The following GLT8D2 variants were observed in gnomAD, a reference collection of about 807,000 sequenced individuals.
The protein encoded by GLT8D2 is glycosyltransferase 8 domain-containing protein 2.
A neutral mutation model predicts 44.5 loss-of-function variants in GLT8D2; 45 were observed. The ratio of observed to expected loss-of-function variants is 1.01; its 90% CI spans 0.80 to 1.30. The LOEUF is 1.30. Ranked by LOEUF, GLT8D2 falls within the 50% of genes most tolerant of loss-of-function variation. The probability of loss-of-function intolerance (pLI) is 0.00; values close to 1 mark genes in which losing one functional copy is unlikely to be tolerated. For synonymous variants in GLT8D2, 156 were observed against 157.2 expected (o/e 0.99, Z 0.06); for missense variants, 400 against 430.4 (o/e 0.93, Z 0.62).
rs111374835 is a variant in GLT8D2, at chr12:103,996,674, G to C, written c.600+61C>G. The C allele has an allele frequency of 9.3e-5, 109 of 1,172,262 alleles. 1 individual carries two copies. The Middle Eastern group carries it at 1.3e-3, about 14-fold the overall frequency. The allele number at this position is 1,172,262 out of a possible 1,614,324, so 72.6% of individuals were successfully genotyped here. Reference sequence around the variant, plus strand: ...GTTACACTCATTTTGACTTGCAGAGGGGGGAGAAGGGGCCAGAGTTGTAGA... The same window carrying C: ...GTTACACTCATTTTGACTTGCAGAGCGGGGAGAAGGGGCCAGAGTTGTAGA... On this transcript the variant is annotated intron_variant, in intron 8 of 10. Transcript: ENST00000360814.
At chr12:103,994,976 A>T (rs1227193116) in intron 8 of GLT8D2, among the ~76,000 whole-genome samples, 1 of 152,076 alleles carries the variant, frequency 6.6e-6, no homozygotes, top group Non-Finnish European at 1.5e-5. Context: ...TGGGCAAAAA[A>T]CCTGGGGTCA....
chr12:104,007,284 T>A (rs1452055651), intron 4 of GLT8D2, among the ~76,000 whole-genome samples: 1 of 84,378 alleles, frequency 1.2e-5, no homozygotes, highest in South Asian at 5.1e-4. Context: ...TCTCTCCACC[T>A]GCTCTCTCCC....
chr12:104,055,203 C>A (rs1354926228), intron 1 of GLT8D2, among the ~76,000 whole-genome samples: 2 of 152,204 alleles, frequency 1.3e-5, no homozygotes, highest in Non-Finnish European at 2.9e-5. Flanking sequence ...GGGCTGATTA[C>A]CCCAGCCTCA....
intron 1 of GLT8D2, among the ~76,000 whole-genome samples, chr12:104,044,717 C>T (rs1241466233): frequency 1.1e-4 from 17 of 152,248 alleles, no homozygotes; most frequent in African/African-American, 3.6e-4. Context: ...ACTGGCCTAA[C>T]GGCCATAGTA....
At chr12:104,018,685 C>T (rs1276016958) in intron 3 of GLT8D2, among the ~76,000 whole-genome samples, 3 of 152,136 alleles carry the variant, frequency 2.0e-5, no homozygotes, top group Non-Finnish European at 4.4e-5. Flanking sequence ...ACTAGCCTGG[C>T]TAACATGGTG....
upstream of GLT8D2, among the ~76,000 whole-genome samples, chr12:104,052,722 T>C (rs1881827157): frequency 6.6e-6 from 1 of 152,040 alleles, no homozygotes; most frequent in African/African-American, 2.4e-5. Context: ...ATGCCCCTCC[T>C]CTTCTCTCTT....
chr12:104,041,609 G>C (rs1378033080), intron 1 of GLT8D2, among the ~76,000 whole-genome samples: 1 of 152,114 alleles, frequency 6.6e-6, no homozygotes, highest in Admixed American at 6.6e-5. Flanking sequence ...AGCTAAGATG[G>C]GATAAGGGCC....
chr12:104,048,217 G>C (rs959080209), intron 1 of GLT8D2, among the ~76,000 whole-genome samples: 4 of 152,212 alleles, frequency 2.6e-5, no homozygotes, highest in Non-Finnish European at 5.9e-5. Context: ...ATGAAAACAA[G>C]TGTGTCCAGA....
intron 3 of GLT8D2, among the ~76,000 whole-genome samples, chr12:104,017,240 G>T (rs1226166809): frequency 4.0e-5 from 6 of 151,794 alleles, no homozygotes; most frequent in Admixed American, 3.9e-4. Flanking sequence ...TTAATGATAG[G>T]AAATCATTCT....
Position 104,001,348 on chromosome 12 carries a change from C to T in GLT8D2, c.284+1787G>A, listed in dbSNP as rs148375413. On this transcript the variant is annotated intron_variant, in intron 5 of 10. Transcript: ENST00000360814. Reference sequence around the variant, plus strand: ...ATGCTGAAACTAGCATTGTTGTACACGTATTTTGGTAATATGTACTAGAAT... The same window carrying T: ...ATGCTGAAACTAGCATTGTTGTACATGTATTTTGGTAATATGTACTAGAAT... Among the ~76,000 whole-genome samples the T allele has an allele frequency of 4.5e-3, 686 of 152,270 alleles. 8 individuals carry two copies. The highest frequency in any genetic ancestry group is 6.8e-3 in the Middle Eastern group (2 of 294).
At chr12:104,030,662 A>G in intron 1 of GLT8D2, 2 of 1,472,604 alleles carry the variant, frequency 1.4e-6, no homozygotes, top group South Asian at 2.4e-5. Flanking sequence ...AATATCCAAA[A>G]TATATAAGAA....
intron 4 of GLT8D2, among the ~76,000 whole-genome samples, chr12:104,013,823 C>T (rs929402583): frequency 1.3e-5 from 2 of 152,170 alleles, no homozygotes; most frequent in Non-Finnish European, 2.9e-5. Context: ...CTCACTGCTG[C>T]TTAGACCTCC....
Position 103,999,455 on chromosome 12 carries a change from G to T in GLT8D2, c.344C>A (p.Pro115Gln), listed in dbSNP as rs375709472. The part of the protein sequence containing the change: ...EINFKIVEFN[P>Q]MVLKGKIRPD... ...TCTGATCTTCCCTTTGAGGACCATC[G>T]GGTTGAATTCCACGATTTTAAAGTT... Residue 115 changes from proline (P) to glutamine (Q), a missense_variant, in exon 6 of 11, where the codon CCG becomes CAG. Physicochemically the swap from Pro to Gln is moderately conservative, Grantham distance 76. Coordinates refer to ENST00000360814, the MANE Select transcript of GLT8D2 (RefSeq NM_001384711.1). The T allele has an allele frequency of 1.2e-6, 2 of 1,613,416 alleles. No homozygotes were observed. Among genetic ancestry groups the T allele is most frequent in the Non-Finnish European group, 1.7e-6 (2 of 1,179,570 alleles).
intron 6 of GLT8D2, among the ~76,000 whole-genome samples, chr12:103,998,845 C>T (rs898644779): frequency 1.3e-5 from 2 of 152,114 alleles, no homozygotes; most frequent in Non-Finnish European, 2.9e-5. Context: ...GCACGTCCAG[C>T]CAAAAACACC....
At chr12:104,013,629 C>T (rs566167435) in intron 4 of GLT8D2, among the ~76,000 whole-genome samples, 1 of 151,828 alleles carries the variant, frequency 6.6e-6, no homozygotes, top group Non-Finnish European at 1.5e-5. Context: ...AAAATATAAT[C>T]AGAAAGAAAT....
chr12:104,013,265 CT>C (rs1355847345), intron 4 of GLT8D2, among the ~76,000 whole-genome samples: 1 of 152,168 alleles, frequency 6.6e-6, no homozygotes, highest in Non-Finnish European at 1.5e-5. Context: ...ATAGATTTTC[CT>C]TTTCTAGAAA....
At chr12:104,058,981 A>G (rs1452876411) in intron 1 of GLT8D2, among the ~76,000 whole-genome samples, 1 of 152,230 alleles carries the variant, frequency 6.6e-6, no homozygotes, top group Non-Finnish European at 1.5e-5. Context: ...GTGTGGAAAC[A>G]CTGGACAAAG....
intron 1 of GLT8D2, among the ~76,000 whole-genome samples, chr12:104,059,756 TGA>T (rs904080960): frequency 1.7e-4 from 26 of 152,208 alleles, no homozygotes; most frequent in Admixed American, 6.5e-5. Context: ...GCCTCAATAA[TGA>T]GAGGCAGGCA....
Position 103,994,379 on chromosome 12 carries a change from C to T in GLT8D2, c.723G>A (p.Gln241=), listed in dbSNP as rs779336155. 1.2e-6 allele frequency: 2 copies of T among 1,613,914 alleles called. No homozygotes were observed. Among genetic ancestry groups the T allele is most frequent in the Non-Finnish European group, 1.7e-6 (2 of 1,179,948 alleles). The change falls in exon 9 of 11, where the codon CAG becomes CAA. Residue 241 remains glutamine, a synonymous_variant. Coordinates refer to ENST00000360814, the MANE Select transcript of GLT8D2 (RefSeq NM_001384711.1). The stretch of plus-strand genomic sequence containing the variant: ...ATTTCTCCAATTGCTTGGTGATGCG[C>T]TGGTGCTTCCATTCTGTCATGTTGG... ...IVANMTEWKH[Q]RITKQLEKWM...
Sources: gnomAD v4.1 joint callset for allele counts (sites outside exome capture counted in the v4.1 genomes callset) on GRCh38, gnomAD v4.1.1 for gene constraint, MANE v1.5 for transcripts, NCBI Gene and HGNC (gene_info 2026-07-23, HGNC 2026-07-21) for gene names.